UBE2E2: variants seen among roughly 807,000 people sequenced by gnomAD.
UBE2E2 encodes ubiquitin-conjugating enzyme E2 E2.
UBE2E2 carries 6 observed loss-of-function variants against 24.7 expected under a neutral mutation model. The ratio of observed to expected loss-of-function variants is 0.24; its 90% confidence interval spans 0.13 to 0.48. The LOEUF is 0.48. UBE2E2 is among the 20% of genes least tolerant of loss of function. The pLI is 0.99. For synonymous variants in UBE2E2, 104 were observed against 83.6 expected, an observed-to-expected ratio of 1.24 and a Z score of -1.33; for missense variants, 169 against 245.0, an observed-to-expected ratio of 0.69 and a Z score of 2.07.
chr3:23,554,448 G>C (rs1431729326), intron 5 of UBE2E2, among the ~76,000 whole-genome samples: 1 of 152,122 alleles, frequency 6.6e-6, no homozygotes, highest in Non-Finnish European at 1.5e-5. Flanking sequence ...CCAGGAGTTA[G>C]AGGTCACAGT....
chr3:23,436,093 C>T (rs1007834081), intron 3 of UBE2E2, among the ~76,000 whole-genome samples: 2 of 152,070 alleles, frequency 1.3e-5, no homozygotes. Flanking sequence ...TGCTTGCTCC[C>T]CAGCCGCTCA....
At chr3:23,522,332 A>G (rs557275112) in intron 4 of UBE2E2, among the ~76,000 whole-genome samples, 5 of 152,164 alleles carry the variant, frequency 3.3e-5, no homozygotes, top group African/African-American at 1.2e-4. Context: ...GGGTTTCACC[A>G]TGTTAGCCAG....
intron 3 of UBE2E2, among the ~76,000 whole-genome samples, chr3:23,227,118 A>G (rs528079449): frequency 1.3e-5 from 2 of 152,290 alleles, no homozygotes; most frequent in South Asian, 2.1e-4. Flanking sequence ...TGGTGATACT[A>G]TTGGCAGAAG....
At chr3:23,290,612 A>G (rs1175332929) in intron 3 of UBE2E2, among the ~76,000 whole-genome samples, 1 of 152,062 alleles carries the variant, frequency 6.6e-6, no homozygotes, top group African/African-American at 2.4e-5. Context: ...GTGCCCAGTT[A>G]AGGACCAGCT....
intron 3 of UBE2E2, among the ~76,000 whole-genome samples, chr3:23,274,712 C>T (rs1698338468): frequency 1.3e-5 from 2 of 152,186 alleles, no homozygotes; most frequent in South Asian, 2.1e-4. Flanking sequence ...ATGTGTGTTC[C>T]ACAATTTAAT....
At chr3:23,563,163 G>A (rs1695978199) in intron 5 of UBE2E2, among the ~76,000 whole-genome samples, 1 of 152,068 alleles carries the variant, frequency 6.6e-6, no homozygotes, top group African/African-American at 2.4e-5. Context: ...TGTGATGTTA[G>A]GGTGTCAATT....
In UBE2E2 at chr3:23,474,821, G is replaced by A. The variant is rs1318234481; in HGVS notation, c.228-24787G>A. Reference sequence around the variant, plus strand: ...ATCCTCCTTCCTGTTTGGACATTTTGTATGCCCCGCCCTTCTTATCCCCCA... The same window carrying A: ...ATCCTCCTTCCTGTTTGGACATTTTATATGCCCCGCCCTTCTTATCCCCCA... On this transcript the variant is annotated intron_variant, in intron 3 of 5. Coordinates refer to ENST00000396703, the MANE Select transcript of UBE2E2 (RefSeq NM_152653.4). The surrounding 1 kb of genome is among the most constrained non-coding windows in gnomAD (Gnocchi z 4.0). Among the ~76,000 whole-genome samples the A allele has an allele frequency of 6.6e-6, 1 of 151,908 alleles. No homozygotes were observed. The highest frequency in any genetic ancestry group is 2.4e-5 in the African/African-American group (1 of 41,264).
intron 3 of UBE2E2, among the ~76,000 whole-genome samples, chr3:23,239,770 C>G (rs1302199633): frequency 1.3e-5 from 2 of 152,110 alleles, no homozygotes; most frequent in Admixed American, 1.3e-4. Context: ...AGAAGAGGTT[C>G]TAAAAGATAT....
chr3:23,302,960 G>A (rs1431656910), intron 3 of UBE2E2, among the ~76,000 whole-genome samples: 1 of 152,156 alleles, frequency 6.6e-6, no homozygotes, highest in Non-Finnish European at 1.5e-5. Flanking sequence ...CAGTTCCCAT[G>A]ACACATACCT....
At chr3:23,246,850 A>G (rs1469781185) in intron 3 of UBE2E2, among the ~76,000 whole-genome samples, 1 of 152,206 alleles carries the variant, frequency 6.6e-6, no homozygotes, top group Non-Finnish European at 1.5e-5. Flanking sequence ...TTGGTTATTT[A>G]TTAAGTAAAT....
At chr3:23,377,951 T>C (rs1486128436) in intron 3 of UBE2E2, among the ~76,000 whole-genome samples, 1 of 152,198 alleles carries the variant, frequency 6.6e-6, no homozygotes, top group Non-Finnish European at 1.5e-5. Flanking sequence ...CTAGATATTA[T>C]ATAACTCTAT....
At chr3:23,207,535 C>T (rs1205317538) in intron 1 of UBE2E2, among the ~76,000 whole-genome samples, 1 of 152,280 alleles carries the variant, frequency 6.6e-6, no homozygotes, top group South Asian at 2.1e-4. Flanking sequence ...ATCATGCAGT[C>T]ATGCAGGCCT....
At position 23,292,770 on chromosome 3, in the gene UBE2E2, C is replaced by T. The variant is rs549342163; in HGVS notation, c.227+75458C>T. 1.7e-3 allele frequency among the ~76,000 whole-genome samples: 256 copies of T among 152,164 alleles called. 1 individual carries two copies. The highest frequency in any genetic ancestry group is 2.5e-3 in the Non-Finnish European group (172 of 68,008). ...TAACCTGTTTGTGCCTCTTTTTGTT[C>T]GCAGTTAAAATCAGGATAATTGGCT... On this transcript the variant is annotated intron_variant, in intron 3 of 5. Coordinates refer to ENST00000396703, the MANE Select transcript of UBE2E2 (RefSeq NM_152653.4).
chr3:23,353,497 A>C (rs1433908143), intron 3 of UBE2E2, among the ~76,000 whole-genome samples: 1 of 152,244 alleles, frequency 6.6e-6, no homozygotes, highest in East Asian at 1.9e-4. Context: ...CCATCGTGTC[A>C]GCCCAAAATC....
chr3:23,533,746 C>A (rs116324254), intron 5 of UBE2E2, among the ~76,000 whole-genome samples: 1,901 of 151,888 alleles, frequency 0.013, 33 homozygotes, highest in African/African-American at 0.043. Context: ...TCTTAGCCCC[C>A]CAAGTAGCTG....
Position 23,284,966 on chromosome 3 carries a change from T to C in UBE2E2, c.227+67654T>C, listed in dbSNP as rs560500457. Among the ~76,000 whole-genome samples, 4 of 146,856 alleles carry C rather than the reference T, an allele frequency of 2.7e-5. No homozygotes were observed. The East Asian group carries it at 7.8e-4, about 29-fold the overall frequency. ...TAGCTTCTTGTTGGAAAAAAAAATA[T>C]ATATATATATATTTATATATTTACC... On this transcript the variant is annotated intron_variant, in intron 3 of 5. Transcript: ENST00000396703.
intron 3 of UBE2E2, among the ~76,000 whole-genome samples, chr3:23,434,416 C>T (rs927528669): frequency 6.6e-6 from 1 of 152,086 alleles, no homozygotes; most frequent in Admixed American, 6.5e-5. Context: ...CACAATTGTG[C>T]ATTAGCTCTA....
intron 3 of UBE2E2, among the ~76,000 whole-genome samples, chr3:23,282,389 T>C (rs1351425332): frequency 6.6e-6 from 1 of 152,212 alleles, no homozygotes; most frequent in Non-Finnish European, 1.5e-5. Context: ...AGTTTCTATC[T>C]TATTATGCAT....
At chr3:23,236,730 AC>A (rs1325476888) in intron 3 of UBE2E2, among the ~76,000 whole-genome samples, 13 of 152,036 alleles carry the variant, frequency 8.6e-5, no homozygotes, top group African/African-American at 2.7e-4. Flanking sequence ...AGGAAAGACT[AC>A]CCTCAAAGCC....
Sources: allele counts gnomAD v4.1 joint callset (sites outside exome capture counted in the v4.1 genomes callset), GRCh38; gene constraint gnomAD v4.1.1; non-coding constraint Gnocchi (gnomAD v3.1); transcripts MANE v1.5; gene names NCBI Gene and HGNC (gene_info 2026-07-23, HGNC 2026-07-21).